Variants in ASIC2 observed in about 807,000 individuals in gnomAD.
The protein encoded by ASIC2 is acid-sensing ion channel 2.
ASIC2 carries 25 observed loss-of-function variants against 57.3 expected under a neutral mutation model. The observed-to-expected ratio is 0.44, with a 90% CI of 0.32 to 0.61. The LOEUF (loss-of-function observed/expected upper bound fraction) is 0.61, where lower values mean the gene tolerates loss of function less well. Among genes scored for constraint, ASIC2 ranks in the 20% least tolerant of loss-of-function variants. The pLI, the probability that ASIC2 is intolerant of heterozygous loss-of-function variation, is 0.06. For synonymous variants in ASIC2, 319 were observed against 307.5 expected (o/e 1.04, Z -0.39); for missense variants, 641 against 738.1 (o/e 0.87, Z 1.52).
At chr17:34,038,701 T>A (rs760086786) in intron 1 of ASIC2, 3 of 1,600,722 alleles carry the variant, frequency 1.9e-6, no homozygotes, top group Non-Finnish European at 2.6e-6. Context: ...TAAGATGACC[T>A]AATCTGAGTT....
At chr17:33,374,093 T>G (rs1401400991) in intron 1 of ASIC2, among the ~76,000 whole-genome samples, 2 of 152,140 alleles carry the variant, frequency 1.3e-5, no homozygotes, top group African/African-American at 4.8e-5. Flanking sequence ...CCTCCTGGGC[T>G]CAAGTGATTC....
At chr17:33,640,269 T>C (rs1457314054) in intron 1 of ASIC2, among the ~76,000 whole-genome samples, 3 of 152,032 alleles carry the variant, frequency 2.0e-5, no homozygotes, top group South Asian at 2.1e-4. Context: ...GGGTGCAAGA[T>C]ATCTAGAAAG....
At chr17:33,063,250 CT>C (rs1488852374) in intron 3 of ASIC2, among the ~76,000 whole-genome samples, 1 of 152,190 alleles carries the variant, frequency 6.6e-6, no homozygotes, top group Admixed American at 6.5e-5. Context: ...CAGTTTCTTC[CT>C]AGCATCGATG....
chr17:34,024,278 G>A (rs185474945), intron 1 of ASIC2, among the ~76,000 whole-genome samples: 244 of 152,306 alleles, frequency 1.6e-3, no homozygotes, highest in Middle Eastern at 6.8e-3. Context: ...TCCCAACAAT[G>A]GCTCTTAATC....
At chr17:33,247,974 A>G (rs1908751492) in intron 1 of ASIC2, among the ~76,000 whole-genome samples, 1 of 152,200 alleles carries the variant, frequency 6.6e-6, no homozygotes, top group African/African-American at 2.4e-5. Context: ...TATATTTGAT[A>G]TATATTCGAA....
chr17:33,705,635 C>T (rs963179658), intron 1 of ASIC2, among the ~76,000 whole-genome samples: 1 of 152,018 alleles, frequency 6.6e-6, no homozygotes, highest in Non-Finnish European at 1.5e-5. Context: ...GGTCACAAGC[C>T]CAGGAATGCC....
chr17:34,031,417 C>T lies in ASIC2; in HGVS notation c.555+124561G>A, dbSNP rs187782329. On this transcript the variant is annotated intron_variant, in intron 1 of 9. Coordinates refer to the ASIC2 transcript ENST00000359872. The stretch of plus-strand genomic sequence containing the variant: ...TAAAACCACAAAGATGGGAAAAAAA[C>T]GGAGGAGAAAAACTGGAAACTGTAA... 7.2e-5 allele frequency among the ~76,000 whole-genome samples: 11 copies of T among 152,214 alleles called. No homozygotes were observed. In the East Asian group the frequency reaches 9.7e-4, roughly 13 times the overall value.
chr17:33,087,230 G>A (rs1395046377), intron 3 of ASIC2, among the ~76,000 whole-genome samples: 1 of 152,108 alleles, frequency 6.6e-6, no homozygotes, highest in Non-Finnish European at 1.5e-5. Flanking sequence ...CCTTAGCCTT[G>A]AACTTTGCCC....
intron 1 of ASIC2, among the ~76,000 whole-genome samples, chr17:33,431,481 G>A (rs893563206): frequency 7.9e-6 from 1 of 126,894 alleles, no homozygotes; most frequent in African/African-American, 2.7e-5. Context: ...GCACACACCT[G>A]TAATCCCAGC....
intron 1 of ASIC2, chr17:33,794,570 G>A (rs1321187831): frequency 6.6e-6 from 1 of 152,112 alleles, no homozygotes; most frequent in African/African-American, 2.4e-5. Flanking sequence ...TGTTAGACCT[G>A]TTCTTTTGTT....
chr17:33,292,117 C>T lies in ASIC2; in HGVS notation c.-2G>A. 9.6e-7 allele frequency: 1 copy of T among 1,041,848 alleles called. No homozygotes were observed. The highest frequency in any genetic ancestry group is 1.2e-6 in the Non-Finnish European group (1 of 868,826). The allele number at this position is 1,041,848 out of a possible 1,614,324, so 64.5% of individuals were successfully genotyped here. ...CCCGGCTCCGCCAATCCGGCTCATT[C>T]ATTCAGCCCGCGGCTGGCGGCAGCG... On this transcript the variant is annotated 5_prime_UTR_variant, in exon 1 of 10. The change abolishes an upstream ATG in the 5' untranslated region. Coordinates refer to ENST00000225823, the MANE Select transcript of ASIC2 (RefSeq NM_183377.2).
chr17:33,730,690 C>T (rs1796838100), intron 1 of ASIC2, among the ~76,000 whole-genome samples: 1 of 152,182 alleles, frequency 6.6e-6, no homozygotes, highest in Admixed American at 6.5e-5. Flanking sequence ...TGAGACGCTT[C>T]AAGGAGAACT....
intron 1 of ASIC2, among the ~76,000 whole-genome samples, chr17:34,091,110 A>T (rs1006437875): frequency 2.6e-5 from 4 of 152,218 alleles, no homozygotes; most frequent in African/African-American, 9.6e-5. Flanking sequence ...ATATTCTTCA[A>T]TGAGATACCA....
intron 1 of ASIC2, among the ~76,000 whole-genome samples, chr17:33,177,265 C>T (rs1905797375): frequency 6.6e-6 from 1 of 152,130 alleles, no homozygotes; most frequent in Non-Finnish European, 1.5e-5. Flanking sequence ...GTTTATGTTG[C>T]ATGTTAGAGC....
intron 1 of ASIC2, among the ~76,000 whole-genome samples, chr17:33,971,136 G>T (rs1304189996): frequency 1.3e-5 from 2 of 152,200 alleles, no homozygotes; most frequent in Non-Finnish European, 2.9e-5. Context: ...TCCTCCAGCA[G>T]AAATGATTCA....
At chr17:33,353,503 T>C (rs757825331) in intron 1 of ASIC2, among the ~76,000 whole-genome samples, 3 of 152,194 alleles carry the variant, frequency 2.0e-5, no homozygotes, top group Non-Finnish European at 4.4e-5. Flanking sequence ...CTGGCTAATA[T>C]ATATATTTTT....
At chr17:33,366,083 G>A (rs754845369) in intron 1 of ASIC2, among the ~76,000 whole-genome samples, 11 of 152,356 alleles carry the variant, frequency 7.2e-5, no homozygotes, top group Non-Finnish European at 1.0e-4. Flanking sequence ...AACAGAGGCT[G>A]TTTGCTTCTG....
rs374637249 is a variant in ASIC2, at chr17:33,598,993, C to T, written c.556-486926G>A. 5.7e-4 allele frequency among the ~76,000 whole-genome samples: 87 copies of T among 152,290 alleles called. 1 individual carries two copies. Among genetic ancestry groups the T allele is most frequent in the African/African-American group, 1.8e-3 (76 of 41,552 alleles). On this transcript the variant is annotated intron_variant, in intron 1 of 9. Coordinates refer to the ASIC2 transcript ENST00000359872. Reference sequence around the variant, plus strand: ...ACTGTGTGAGTGTGCATGCACCTTACGCAATCAACAAAGGGCTGCGCCTGT... The same window carrying T: ...ACTGTGTGAGTGTGCATGCACCTTATGCAATCAACAAAGGGCTGCGCCTGT...
chr17:33,849,373 C>T (rs997661334), intron 1 of ASIC2, among the ~76,000 whole-genome samples: 1 of 152,148 alleles, frequency 6.6e-6, no homozygotes, highest in Non-Finnish European at 1.5e-5. Flanking sequence ...CTAAGAGGTA[C>T]AGATCATTAT....
Sources: allele counts gnomAD v4.1 joint callset (sites outside exome capture counted in the v4.1 genomes callset), GRCh38; gene constraint gnomAD v4.1.1; transcripts MANE v1.5; gene names NCBI Gene and HGNC (gene_info 2026-07-23, HGNC 2026-07-21).